NTN1: variants seen among roughly 807,000 people sequenced by gnomAD.
NTN1 encodes the protein netrin-1.
NTN1 carries 11 observed loss-of-function variants against 54.2 expected under a neutral mutation model. That is an observed-to-expected ratio of 0.20 (90% CI 0.13 to 0.34). The LOEUF (loss-of-function observed/expected upper bound fraction) is 0.34. Among genes scored for constraint, NTN1 ranks in the 10% least tolerant of loss-of-function variants. The pLI, the probability that NTN1 is intolerant of heterozygous loss-of-function variation, is 1.00. For synonymous variants in NTN1, 371 were observed against 382.0 expected (o/e 0.97, Z 0.33); for missense variants, 740 against 893.1 (o/e 0.83, Z 2.18).
In NTN1 at chr17:9,030,973, C is replaced by T. The variant is rs546570799; in HGVS notation, c.1018+7582C>T. Among the ~76,000 whole-genome samples the T allele has an allele frequency of 9.3e-4, 142 of 152,292 alleles. 1 individual carries two copies. The highest frequency in any genetic ancestry group is 1.4e-3 in the Non-Finnish European group (93 of 68,024). ...GCCTGTGTAAGGTCTCAGCTCGCTG[C>T]ACACGTGGTCATATTTTAGTTGGGA... On this transcript the variant is annotated intron_variant, in intron 2 of 6. Coordinates refer to ENST00000173229, the MANE Select transcript of NTN1 (RefSeq NM_004822.3).
intron 2 of NTN1, among the ~76,000 whole-genome samples, chr17:9,157,004 T>C (rs1332744528): frequency 1.5e-5 from 2 of 135,684 alleles, no homozygotes; most frequent in Non-Finnish European, 3.1e-5. Context: ...CATCCGTCCA[T>C]CCCTCTCTCC....
At chr17:9,006,167 C>CGG in the NTN1 span, among the ~76,000 whole-genome samples, 1 of 87,256 alleles carries the variant, frequency 1.1e-5, no homozygotes, top group African/African-American at 4.9e-5. Flanking sequence ...GAGAAGCCAT[C>CGG]AGGTACGGGG....
At chr17:9,199,144 T>TTTTG (rs745603453) in intron 5 of NTN1, among the ~76,000 whole-genome samples, 1 of 152,206 alleles carries the variant, frequency 6.6e-6, no homozygotes, top group Non-Finnish European at 1.5e-5. Flanking sequence ...CTTTCTTTCT[T>TTTTG]TTTGTTTGTT....
At chr17:9,183,249 T>G in intron 5 of NTN1, 1 of 636,710 alleles carries the variant, frequency 1.6e-6, no homozygotes, top group East Asian at 3.3e-5. Flanking sequence ...GTCCACCAGC[T>G]GCCCGCCAGC....
At chr17:9,234,230 A>G (rs1905905084) in intron 6 of NTN1, among the ~76,000 whole-genome samples, 1 of 152,194 alleles carries the variant, frequency 6.6e-6, no homozygotes, top group South Asian at 2.1e-4. Flanking sequence ...GGTGGCTGAG[A>G]GAGTTCTTGG....
At chr17:9,075,661 T>G (rs1206021139) in intron 2 of NTN1, among the ~76,000 whole-genome samples, 1 of 152,134 alleles carries the variant, frequency 6.6e-6, no homozygotes, top group East Asian at 1.9e-4. Flanking sequence ...CCTCCTAGCT[T>G]CTTTGGGAGG....
intron 2 of NTN1, among the ~76,000 whole-genome samples, chr17:9,142,292 A>C (rs1367226638): frequency 6.7e-6 from 1 of 149,440 alleles, no homozygotes; most frequent in Non-Finnish European, 1.5e-5. Flanking sequence ...TCATCTCAAA[A>C]AGAAAAAAAA....
chr17:9,005,777 C>A, the NTN1 span, among the ~76,000 whole-genome samples: 1 of 152,150 alleles, frequency 6.6e-6, no homozygotes, highest in Admixed American at 6.5e-5. Flanking sequence ...AATGAGGGAG[C>A]GGCAGGGGGT....
intron 2 of NTN1, among the ~76,000 whole-genome samples, chr17:9,117,679 G>A (rs2092218268): frequency 6.6e-6 from 1 of 151,560 alleles, no homozygotes; most frequent in Non-Finnish European, 1.5e-5. Flanking sequence ...GGGAGGCGGA[G>A]GTTGCAGTGA....
intron 2 of NTN1, among the ~76,000 whole-genome samples, chr17:9,033,378 GGTT>G (rs1182767750): frequency 6.6e-6 from 1 of 152,176 alleles, no homozygotes; most frequent in African/African-American, 2.4e-5. Flanking sequence ...GGGGTAGAGA[GGTT>G]GTTTGTTTGT....
chr17:9,204,917 T>A (rs3785983), intron 5 of NTN1, among the ~76,000 whole-genome samples: 1 of 147,772 alleles, frequency 6.8e-6, no homozygotes, highest in South Asian at 2.1e-4. Flanking sequence ...CCATCAGTGC[T>A]GTCAACCCTC....
chr17:9,158,565 GTGAT>G, intron 2 of NTN1, among the ~76,000 whole-genome samples: 1 of 152,330 alleles, frequency 6.6e-6, no homozygotes, highest in African/African-American at 2.4e-5. Context: ...GTTACTTCCA[GTGAT>G]AGGGGTCTTT....
rs184614998 is a variant in NTN1, at chr17:9,043,170, A to G, written c.1018+19779A>G. ...CACTAAAATATTTTTTAATGTTCAT[A>G]TATGGCTATATCACCTTTCTAATTG... On this transcript the variant is annotated intron_variant, in intron 2 of 6. Transcript: ENST00000173229. Among the ~76,000 whole-genome samples, 471 of 152,296 alleles carry G rather than the reference A, an allele frequency of 3.1e-3. 5 individuals are homozygous for G. The highest frequency in any genetic ancestry group is 0.011 in the African/African-American group (438 of 41,566).
intron 2 of NTN1, among the ~76,000 whole-genome samples, chr17:9,089,734 G>C (rs954789149): frequency 6.6e-6 from 1 of 152,134 alleles, no homozygotes. Flanking sequence ...CAAACACCAC[G>C]GCACTGGAGA....
chr17:9,222,135 G>A (rs1368504533), intron 6 of NTN1, among the ~76,000 whole-genome samples: 12 of 152,226 alleles, frequency 7.9e-5, no homozygotes, highest in Non-Finnish European at 1.3e-4. Flanking sequence ...GTTCTTTCTA[G>A]CACGGGGCCT....
intron 2 of NTN1, among the ~76,000 whole-genome samples, chr17:9,034,971 G>C (rs1029243206): frequency 6.6e-6 from 1 of 152,178 alleles, no homozygotes; most frequent in South Asian, 2.1e-4. Context: ...TTTTGAGACG[G>C]AGTTTCGCTC....
At chr17:9,179,479 G>A (rs1297379940) in intron 3 of NTN1, among the ~76,000 whole-genome samples, 4 of 152,264 alleles carry the variant, frequency 2.6e-5, no homozygotes, top group Non-Finnish European at 5.9e-5. Flanking sequence ...CCACCCAGGC[G>A]TGATGAGGGC....
At position 9,119,468 on chromosome 17, in the gene NTN1, G is replaced by A. The variant is rs181033933; in HGVS notation, c.1019-43345G>A. 4.1e-3 allele frequency among the ~76,000 whole-genome samples: 618 copies of A among 151,534 alleles called. 8 individuals carry two copies. The highest frequency in any genetic ancestry group is 0.014 in the African/African-American group (584 of 41,234). ...CTCCCAAAGTGCTGGGATTACAGGC[G>A]TGAGCCACCGTGCCTGGCTTATTTA... is the stretch of plus-strand genomic sequence containing the variant. On this transcript the variant is annotated intron_variant, in intron 2 of 6. Transcript: ENST00000173229.
chr17:9,197,367 T>C (rs1023279076), intron 5 of NTN1, among the ~76,000 whole-genome samples: 2 of 152,088 alleles, frequency 1.3e-5, no homozygotes, highest in Non-Finnish European at 2.9e-5. Flanking sequence ...GATTAGAAAT[T>C]CATGACGTGG....
Sources: allele counts gnomAD v4.1 joint callset (sites outside exome capture counted in the v4.1 genomes callset), GRCh38; gene constraint gnomAD v4.1.1; transcripts MANE v1.5; gene names NCBI Gene and HGNC (gene_info 2026-07-23, HGNC 2026-07-21).